The following GALNTL6 variants were observed in gnomAD, a reference collection of about 807,000 sequenced individuals.
GALNTL6 encodes the protein polypeptide N-acetylgalactosaminyltransferase like 6.
GALNTL6 carries 46 observed loss-of-function variants against 73.7 expected under a neutral mutation model. That is an observed-to-expected ratio of 0.62 (90% confidence interval 0.49 to 0.80). The LOEUF (loss-of-function observed/expected upper bound fraction) is 0.80, where lower values mean the gene tolerates loss of function less well. GALNTL6 is among the 30% of genes least tolerant of loss of function. GALNTL6 has a pLI of 0.00. For synonymous variants in GALNTL6, 259 were observed against 263.7 expected (o/e 0.98, Z 0.17); for missense variants, 604 against 755.0 (o/e 0.80, Z 2.34).
chr4:172,448,242 A>G (rs1732096793), intron 5 of GALNTL6, among the ~76,000 whole-genome samples: 2 of 152,160 alleles, frequency 1.3e-5, no homozygotes, highest in African/African-American at 4.8e-5. Context: ...AAGTCCAGAA[A>G]ACATATTTGT....
chr4:172,588,174 C>G (rs1442923515), intron 5 of GALNTL6, among the ~76,000 whole-genome samples: 1 of 152,092 alleles, frequency 6.6e-6, no homozygotes, highest in Non-Finnish European at 1.5e-5. Flanking sequence ...AACATTTGTC[C>G]ACTTCCCCCT....
At chr4:172,410,910 C>T (rs770272462) in intron 5 of GALNTL6, among the ~76,000 whole-genome samples, 3 of 151,998 alleles carry the variant, frequency 2.0e-5, no homozygotes, top group Non-Finnish European at 2.9e-5. Flanking sequence ...TGTTATATAA[C>T]AGCACAGCAG....
chr4:172,259,106 C>T (rs1233413545), intron 3 of GALNTL6, among the ~76,000 whole-genome samples: 1 of 151,170 alleles, frequency 6.6e-6, no homozygotes, highest in East Asian at 1.9e-4. Context: ...AACTTCTTTT[C>T]TTCTGGGTGG....
intron 2 of GALNTL6, among the ~76,000 whole-genome samples, chr4:171,868,768 G>C (rs1206017507): frequency 3.9e-5 from 6 of 152,100 alleles, no homozygotes; most frequent in Admixed American, 1.3e-4. Flanking sequence ...TGCACCCTCT[G>C]CCTCCCGGGT....
intron 10 of GALNTL6, among the ~76,000 whole-genome samples, chr4:172,996,188 A>G (rs943021062): frequency 6.6e-6 from 1 of 151,800 alleles, no homozygotes; most frequent in Non-Finnish European, 1.5e-5. Flanking sequence ...ACACACACAC[A>G]CCATGGAATA....
Position 172,038,197 on chromosome 4 carries a change from A to G in GALNTL6, c.139-191459A>G, listed in dbSNP as rs901208910. ...CTATTCAGCCTTATTTGCAAATTCT[A>G]TGCATCTCCCTTGAAACACTCTTTC... is the stretch of plus-strand genomic sequence containing the variant. On this transcript the variant is annotated intron_variant, in intron 2 of 12. Coordinates refer to ENST00000506823, the MANE Select transcript of GALNTL6 (RefSeq NM_001034845.3). 2.0e-5 allele frequency among the ~76,000 whole-genome samples: 3 copies of G among 151,620 alleles called. No individual in the cohort carries two copies. The East Asian group carries it at 5.8e-4, about 29-fold the overall frequency.
intron 12 of GALNTL6, among the ~76,000 whole-genome samples, chr4:173,026,962 T>A (rs2126526793): frequency 6.6e-6 from 1 of 152,288 alleles, no homozygotes; most frequent in Non-Finnish European, 1.5e-5. Context: ...GGTTTATAAT[T>A]CCCTGATATA....
At chr4:171,910,387 A>T (rs879833413) in intron 2 of GALNTL6, among the ~76,000 whole-genome samples, 17 of 151,890 alleles carry the variant, frequency 1.1e-4, no homozygotes, top group Admixed American at 5.9e-4. Context: ...AACTGGTGAT[A>T]AAAAAAAGAC....
At chr4:172,106,976 C>T (rs886564036) in intron 2 of GALNTL6, among the ~76,000 whole-genome samples, 5 of 152,210 alleles carry the variant, frequency 3.3e-5, no homozygotes, top group African/African-American at 4.8e-5. Flanking sequence ...CGGGTTCAAG[C>T]GATTCTCCTG....
chr4:171,903,968 G>A (rs1019491760), intron 2 of GALNTL6, among the ~76,000 whole-genome samples: 15 of 152,082 alleles, frequency 9.9e-5, no homozygotes, highest in Admixed American at 2.6e-4. Flanking sequence ...AAACAGAAAG[G>A]ACATCCACAC....
chr4:171,911,673 G>A (rs1277913802), intron 2 of GALNTL6, among the ~76,000 whole-genome samples: 1 of 151,802 alleles, frequency 6.6e-6, no homozygotes, highest in African/African-American at 2.4e-5. Context: ...TAGATGAGAG[G>A]CATTTGAAAC....
chr4:172,521,646 A>G (rs1235361049), intron 5 of GALNTL6, among the ~76,000 whole-genome samples: 3 of 152,170 alleles, frequency 2.0e-5, no homozygotes, highest in Admixed American at 6.5e-5. Flanking sequence ...ATGTAATTTT[A>G]GGGTAATAAA....
At chr4:172,011,843 C>T (rs922858512) in intron 2 of GALNTL6, among the ~76,000 whole-genome samples, 1 of 151,876 alleles carries the variant, frequency 6.6e-6, no homozygotes, top group Non-Finnish European at 1.5e-5. Context: ...CCTTAGGGAA[C>T]AGAGAAAGTA....
chr4:172,285,785 A>T (rs1463938851), intron 3 of GALNTL6, among the ~76,000 whole-genome samples: 1 of 152,104 alleles, frequency 6.6e-6, no homozygotes, highest in Non-Finnish European at 1.5e-5. Flanking sequence ...GTGATTGTAG[A>T]CACTCTCTCC....
chr4:172,953,377 A>C (rs1749555749), intron 10 of GALNTL6, among the ~76,000 whole-genome samples: 1 of 152,218 alleles, frequency 6.6e-6, no homozygotes, highest in South Asian at 2.1e-4. Flanking sequence ...AAATGCATGA[A>C]GGCTAGATGT....
chr4:172,522,985 G>A (rs1450224698), intron 5 of GALNTL6, among the ~76,000 whole-genome samples: 3 of 152,062 alleles, frequency 2.0e-5, no homozygotes, highest in East Asian at 1.9e-4. Flanking sequence ...GTCTTCCATC[G>A]TAAGGTAACC....
At chr4:172,523,215 T>C (rs1248612602) in intron 5 of GALNTL6, among the ~76,000 whole-genome samples, 4 of 152,224 alleles carry the variant, frequency 2.6e-5, no homozygotes, top group African/African-American at 9.6e-5. Context: ...AATGCATTTA[T>C]GCATTCTACT....
At chr4:172,322,045 A>G (rs1740777493) in intron 4 of GALNTL6, among the ~76,000 whole-genome samples, 1 of 152,164 alleles carries the variant, frequency 6.6e-6, no homozygotes, top group African/African-American at 2.4e-5. Context: ...TGGTAAGAGA[A>G]GAACGCCTCA....
intron 10 of GALNTL6, among the ~76,000 whole-genome samples, chr4:173,003,631 A>G (rs1752143895): frequency 6.6e-6 from 1 of 152,242 alleles, no homozygotes; most frequent in South Asian, 2.1e-4. Context: ...CCTCTGAGGC[A>G]TGATCGTCTT....
Sources: gnomAD v4.1 joint callset for allele counts (sites outside exome capture counted in the v4.1 genomes callset) on GRCh38, gnomAD v4.1.1 for gene constraint, MANE v1.5 for transcripts, NCBI Gene and HGNC (gene_info 2026-07-23, HGNC 2026-07-21) for gene names.